Variants in BARD1 observed in about 807,000 individuals in gnomAD.
BARD1 encodes BRCA1 associated RING domain 1.
Under a neutral mutation model 77.0 loss-of-function variants are expected in BARD1, and 73 were observed. The ratio of observed to expected loss-of-function variants is 0.95; its 90% CI spans 0.79 to 1.15. The LOEUF (loss-of-function observed/expected upper bound fraction) is 1.15. Among genes scored for constraint, BARD1 ranks in the 50% most tolerant of loss-of-function variants. The pLI is 0.00. For synonymous variants in BARD1, 384 were observed against 338.0 expected (o/e 1.14, Z -1.49); for missense variants, 993 against 938.8 (o/e 1.06, Z -0.75).
intron 6 of BARD1, among the ~76,000 whole-genome samples, chr2:214,753,189 T>A (rs1693538420): frequency 6.6e-6 from 1 of 152,140 alleles, no homozygotes; most frequent in Admixed American, 6.6e-5. Flanking sequence ...AGTTTGATCC[T>A]GTTCAAGATA....
intron 3 of BARD1, among the ~76,000 whole-genome samples, chr2:214,789,203 T>C (rs938142655): frequency 6.6e-6 from 1 of 152,120 alleles, no homozygotes; most frequent in Non-Finnish European, 1.5e-5. Context: ...AATGAAATTA[T>C]TTAAACCAAA....
intron 3 of BARD1, among the ~76,000 whole-genome samples, chr2:214,784,310 T>C (rs1295212492): frequency 1.3e-5 from 2 of 151,834 alleles, no homozygotes; most frequent in African/African-American, 4.8e-5. Context: ...CAAATGCAAA[T>C]CAAAACCACA....
intron 1 of BARD1, among the ~76,000 whole-genome samples, chr2:214,798,772 GAAAAAAAA>G (rs10707828): frequency 7.8e-6 from 1 of 127,496 alleles, no homozygotes; most frequent in Non-Finnish European, 1.6e-5. Flanking sequence ...ATTAAAAAAA[GAAAAAAAA>G]AAAAAAAAAA....
rs546936453 is a variant in BARD1 at position 214,764,923 on chromosome 2, C to T, written c.1568+2559G>A. Among the ~76,000 whole-genome samples the T allele has an allele frequency of 3.3e-4, 50 of 151,310 alleles. 1 individual carries two copies. The South Asian group carries it at 0.01, about 31-fold the overall frequency. On this transcript the variant is annotated intron_variant, in intron 6 of 10. Coordinates refer to ENST00000260947, the MANE Select transcript of BARD1 (RefSeq NM_000465.4). The stretch of plus-strand genomic sequence containing the variant: ...AATTTTTAGAAACAGCCACCATACT[C>T]TTGTACCCTAGGATTAAATCTGTCC...
intron 3 of BARD1, among the ~76,000 whole-genome samples, chr2:214,791,053 C>G (rs1381200190): frequency 6.6e-6 from 1 of 152,018 alleles, no homozygotes. Context: ...TCAGTGTGTT[C>G]TTAAAAAGGT....
chr2:214,733,229 G>A (rs553058759), intron 9 of BARD1, among the ~76,000 whole-genome samples: 126 of 152,268 alleles, frequency 8.3e-4, no homozygotes, highest in Middle Eastern at 3.4e-3. Flanking sequence ...TATCTGAAGT[G>A]TTTGAAACCA....
At chr2:214,773,072 C>T (rs561538214) in intron 4 of BARD1, among the ~76,000 whole-genome samples, 2 of 152,094 alleles carry the variant, frequency 1.3e-5, no homozygotes, top group Admixed American at 1.3e-4. Context: ...TGTGTGTGTC[C>T]CACTGAATCT....
At chr2:214,749,214 T>A (rs1315830339) in intron 7 of BARD1, among the ~76,000 whole-genome samples, 4 of 150,032 alleles carry the variant, frequency 2.7e-5, no homozygotes, top group African/African-American at 4.9e-5. Context: ...CAAGTGGTGC[T>A]GCACACCTGA....
intron 3 of BARD1, among the ~76,000 whole-genome samples, chr2:214,789,381 A>G (rs2106127990): frequency 6.6e-6 from 1 of 151,778 alleles, no homozygotes; most frequent in East Asian, 1.9e-4. Context: ...CTTCTAAAAA[A>G]AAAAAAAATT....
chr2:214,733,232 T>C (rs575133560), intron 9 of BARD1, among the ~76,000 whole-genome samples: 8 of 152,360 alleles, frequency 5.3e-5, no homozygotes, highest in South Asian at 4.1e-4. Flanking sequence ...CTGAAGTGTT[T>C]GAAACCACAA....
At chr2:214,774,457 TATC>T (rs1229529819) in intron 4 of BARD1, among the ~76,000 whole-genome samples, 1 of 152,232 alleles carries the variant, frequency 6.6e-6, no homozygotes, top group Non-Finnish European at 1.5e-5. Flanking sequence ...TTAATGTCCT[TATC>T]TTCATCAGAA....
At chr2:214,744,606 G>A (rs925502625) in intron 9 of BARD1, among the ~76,000 whole-genome samples, 4 of 152,058 alleles carry the variant, frequency 2.6e-5, no homozygotes, top group African/African-American at 9.7e-5. Context: ...ACATCTAAAT[G>A]ACACCATAAA....
chr2:214,761,935 G>T (rs996242956), intron 6 of BARD1, among the ~76,000 whole-genome samples: 2 of 152,106 alleles, frequency 1.3e-5, no homozygotes, highest in East Asian at 3.8e-4. Flanking sequence ...TAGATCTTTA[G>T]AATTAGGTGT....
chr2:214,747,843 A>C (rs542030115), intron 7 of BARD1, among the ~76,000 whole-genome samples: 86 of 151,846 alleles, frequency 5.7e-4, no homozygotes, highest in African/African-American at 2.0e-3. Context: ...GTACCCTAAA[A>C]CTTAAAGTAT....
Position 214,780,642 on chromosome 2 carries a change from GGACTA to G in BARD1, c.1227_1231del (p.Ser410LeufsTer16), listed in dbSNP as rs1553622160. ...ATTGGGCAACAGCTTCATTGCTGAG[GGACTA>G]GACATCACTCGCCTGTAACTTGAAC... is the stretch of plus-strand genomic sequence containing the variant. On this transcript the variant is annotated frameshift_variant, in exon 4 of 11. Transcript: ENST00000260947. LOFTEE classifies it high-confidence loss of function. The G allele has an allele frequency of 1.9e-6, 3 of 1,613,914 alleles. No individual in the cohort carries two copies. The highest frequency in any genetic ancestry group is 1.3e-5 in the African/African-American group (1 of 74,898).
Position 214,809,601 on chromosome 2 carries a change from G to C in BARD1, c.-32C>G. ...GCCTTCGGATGAAAGGCTCCTCGCA[G>C]AGCGGGAAGCAAGGAAGCCTCGGGA... On this transcript the variant is annotated 5_prime_UTR_variant, in exon 1 of 11. Transcript: ENST00000260947. The C allele has an allele frequency of 6.6e-7, 1 of 1,526,700 alleles. No individual in the cohort carries two copies. Among genetic ancestry groups the C allele is most frequent in the East Asian group, 2.5e-5 (1 of 40,580 alleles). The allele number at this position is 1,526,700 out of a possible 1,614,324, so 94.6% of individuals were successfully genotyped here.
At chr2:214,738,790 A>C (rs13033045) in intron 9 of BARD1, among the ~76,000 whole-genome samples, 4,327 of 152,240 alleles carry the variant, frequency 0.028, 82 homozygotes, top group Non-Finnish European at 0.046. Context: ...TCTGCATGGA[A>C]AGCCATACTT....
intron 7 of BARD1, among the ~76,000 whole-genome samples, chr2:214,748,281 T>A (rs1469446729): frequency 1.3e-5 from 2 of 152,066 alleles, no homozygotes; most frequent in South Asian, 4.1e-4. Flanking sequence ...CAAAGCCACA[T>A]GTCTGATTTG....
In BARD1 at chr2:214,809,590, G is replaced by A. The variant is rs1461172721; in HGVS notation, c.-21C>T. On this transcript the variant is annotated 5_prime_UTR_variant, in exon 1 of 11. Coordinates refer to ENST00000260947, the MANE Select transcript of BARD1 (RefSeq NM_000465.4). Reference sequence around the variant, plus strand: ...GGCATCGTCCCGCCTTCGGATGAAAGGCTCCTCGCAGAGCGGGAAGCAAGG... The same window carrying A: ...GGCATCGTCCCGCCTTCGGATGAAAAGCTCCTCGCAGAGCGGGAAGCAAGG... 9 of 1,534,688 alleles carry A rather than the reference G, an allele frequency of 5.9e-6. No individual in the cohort carries two copies. Among genetic ancestry groups the A allele is most frequent in the Admixed American group, 1.9e-5 (1 of 51,436 alleles).
Sources: gnomAD v4.1 joint callset for allele counts (sites outside exome capture counted in the v4.1 genomes callset) on GRCh38, gnomAD v4.1.1 for gene constraint, MANE v1.5 for transcripts, NCBI Gene and HGNC (gene_info 2026-07-23, HGNC 2026-07-21) for gene names.